Variants in NRXN1 observed in about 807,000 individuals in gnomAD.
NRXN1 encodes neurexin-1.
In NRXN1, 39 loss-of-function variants were observed where a neutral mutation model predicts 150.9. The observed-to-expected ratio is 0.26, with a 90% CI of 0.20 to 0.34. The LOEUF (loss-of-function observed/expected upper bound fraction) is 0.34, where lower values mean the gene tolerates loss of function less well. Among genes scored for constraint, NRXN1 ranks in the 10% least tolerant of loss-of-function variants. The pLI, the probability that NRXN1 is intolerant of heterozygous loss-of-function variation, is 1.00. For missense variants in NRXN1, 1,815 were observed against 1,949.9 expected (o/e 0.93, Z 1.30); for synonymous variants, 924 against 757.0 (o/e 1.22, Z -3.62).
intron 18 of NRXN1, among the ~76,000 whole-genome samples, chr2:50,140,999 AT>A (rs757157371): frequency 2.0e-5 from 3 of 152,078 alleles, no homozygotes; most frequent in East Asian, 1.9e-4. Context: ...TAAAGCACAG[AT>A]TGACAAGCTG....
At chr2:50,235,792 G>T (rs1274437935) in intron 18 of NRXN1, among the ~76,000 whole-genome samples, 1 of 151,922 alleles carries the variant, frequency 6.6e-6, no homozygotes, top group Non-Finnish European at 1.5e-5. Context: ...GAAATAAACA[G>T]AACCTCAAGG....
At chr2:50,605,961 G>C (rs60216864) in intron 8 of NRXN1, among the ~76,000 whole-genome samples, 2,359 of 151,958 alleles carry the variant, frequency 0.016, 76 homozygotes, top group African/African-American at 0.054. Context: ...AAATTATTCC[G>C]CCTTAAAAAA....
chr2:50,672,341 G>C (rs1688975441), intron 5 of NRXN1, among the ~76,000 whole-genome samples: 1 of 151,656 alleles, frequency 6.6e-6, no homozygotes, highest in African/African-American at 2.4e-5. Context: ...TTAAAGTGGA[G>C]TGTAATTGCT....
At chr2:50,340,251 T>G (rs1194692349) in intron 17 of NRXN1, among the ~76,000 whole-genome samples, 2 of 152,214 alleles carry the variant, frequency 1.3e-5, no homozygotes, top group African/African-American at 4.8e-5. Flanking sequence ...CTTGAGGGAA[T>G]GCATTGTTAT....
At chr2:50,483,679 A>G (rs368635730) in intron 15 of NRXN1, among the ~76,000 whole-genome samples, 4 of 152,296 alleles carry the variant, frequency 2.6e-5, no homozygotes, top group African/African-American at 9.6e-5. Context: ...TACAAGAATA[A>G]TAATGCCAGC....
chr2:50,883,554 T>A (rs1679775704), intron 5 of NRXN1, among the ~76,000 whole-genome samples: 1 of 151,808 alleles, frequency 6.6e-6, no homozygotes, highest in African/African-American at 2.4e-5. Flanking sequence ...TCAGCAACAC[T>A]AATACTACAC....
intron 17 of NRXN1, among the ~76,000 whole-genome samples, chr2:50,291,945 C>G (rs2072976299): frequency 6.6e-6 from 1 of 152,104 alleles, no homozygotes; most frequent in African/African-American, 2.4e-5. Context: ...CTTAATGGCA[C>G]TCTTTTAGTG....
chr2:50,812,709 C>A, intron 5 of NRXN1, among the ~76,000 whole-genome samples: 1 of 141,584 alleles, frequency 7.1e-6, no homozygotes. Context: ...TATTAATATA[C>A]CATAAATAAT....
intron 2 of NRXN1, among the ~76,000 whole-genome samples, chr2:50,987,878 G>A (rs909575091): frequency 1.3e-5 from 2 of 151,874 alleles, no homozygotes; most frequent in South Asian, 2.1e-4. Context: ...GGAACACTAC[G>A]AAACACAGAA....
intron 12 of NRXN1, among the ~76,000 whole-genome samples, chr2:50,527,137 A>C (rs1163046333): frequency 1.3e-5 from 2 of 152,212 alleles, no homozygotes; most frequent in Non-Finnish European, 2.9e-5. Context: ...TAAAAAGAGT[A>C]CATAAGGTAG....
chr2:50,690,267 T>C (rs1691882110), intron 5 of NRXN1, among the ~76,000 whole-genome samples: 1 of 152,166 alleles, frequency 6.6e-6, no homozygotes, highest in Non-Finnish European at 1.5e-5. Context: ...CAATAATATG[T>C]ACATAACCTG....
At chr2:50,039,069 C>A (rs1690509429) in intron 21 of NRXN1, among the ~76,000 whole-genome samples, 1 of 151,896 alleles carries the variant, frequency 6.6e-6, no homozygotes, top group Non-Finnish European at 1.5e-5. Flanking sequence ...CCCAGCCACT[C>A]AGGAGCCTGA....
intron 17 of NRXN1, among the ~76,000 whole-genome samples, chr2:50,461,999 A>G (rs2088275312): frequency 6.6e-6 from 1 of 151,972 alleles, no homozygotes; most frequent in Non-Finnish European, 1.5e-5. Flanking sequence ...GTTCTGCAAC[A>G]GATAAGTATG....
intron 8 of NRXN1, among the ~76,000 whole-genome samples, chr2:50,590,014 A>C (rs35910309): frequency 0.23 from 34,836 of 152,232 alleles, 4,353 homozygotes; most frequent in East Asian, 0.3. Flanking sequence ...ACAAATGAAT[A>C]GAATGTATTT....
intron 5 of NRXN1, among the ~76,000 whole-genome samples, chr2:50,703,536 T>A (rs1694042016): frequency 6.6e-6 from 1 of 152,142 alleles, no homozygotes; most frequent in South Asian, 2.1e-4. Context: ...TTGAGAAAGG[T>A]TCATTTAAAG....
intron 8 of NRXN1, among the ~76,000 whole-genome samples, chr2:50,583,786 C>T (rs910447239): frequency 2.6e-5 from 4 of 152,292 alleles, no homozygotes; most frequent in African/African-American, 7.2e-5. Flanking sequence ...CACCATCTTC[C>T]AACTATCAAT....
At chr2:50,473,889 A>T (rs987835230) in intron 15 of NRXN1, among the ~76,000 whole-genome samples, 1 of 152,014 alleles carries the variant, frequency 6.6e-6, no homozygotes, top group Non-Finnish European at 1.5e-5. Context: ...ACACTCTTGA[A>T]CTGTACTCAT....
intron 18 of NRXN1, among the ~76,000 whole-genome samples, chr2:50,115,091 G>C (rs2152729173): frequency 6.6e-6 from 1 of 151,496 alleles, no homozygotes; most frequent in South Asian, 2.1e-4. Flanking sequence ...ATGGTGGGGA[G>C]ACTGTGCATG....
intron 21 of NRXN1, among the ~76,000 whole-genome samples, chr2:49,980,880 G>C (rs1481511310): frequency 2.0e-5 from 3 of 152,068 alleles, no homozygotes; most frequent in African/African-American, 7.2e-5. Context: ...AGAACCTACT[G>C]AAGTCAGATG....
Sources: gnomAD v4.1 joint callset for allele counts (sites outside exome capture counted in the v4.1 genomes callset) on GRCh38, gnomAD v4.1.1 for gene constraint, MANE v1.5 for transcripts, NCBI Gene and HGNC (gene_info 2026-07-23, HGNC 2026-07-21) for gene names.